The following CEP63 variants were observed in gnomAD, a reference collection of about 807,000 sequenced individuals.
CEP63 encodes the protein centrosomal protein of 63 kDa.
CEP63 carries 84 observed loss-of-function variants against 89.1 expected under a neutral mutation model. That is an observed-to-expected ratio of 0.94 (90% confidence interval 0.79 to 1.13). The LOEUF (loss-of-function observed/expected upper bound fraction) is 1.13. CEP63 is among the 50% of genes most tolerant of loss of function. The probability of loss-of-function intolerance (pLI) is 0.00; values close to 1 mark genes in which losing one functional copy is unlikely to be tolerated. For synonymous variants in CEP63, 267 were observed against 272.5 expected (o/e 0.98, Z 0.20); for missense variants, 838 against 813.3 (o/e 1.03, Z -0.37).
intron 6 of CEP63, among the ~76,000 whole-genome samples, chr3:134,542,039 A>G (rs574899881): frequency 6.6e-6 from 1 of 152,292 alleles, no homozygotes; most frequent in African/African-American, 2.4e-5. Flanking sequence ...GTTCAAGGAA[A>G]TCTTAGAGAA....
At chr3:134,620,225 G>C in the CEP63 span, among the ~76,000 whole-genome samples, 2 of 152,162 alleles carry the variant, frequency 1.3e-5, no homozygotes, top group Non-Finnish European at 2.9e-5. Context: ...CATAGGCCCA[G>C]GTCCCTCAGG....
At chr3:134,650,875 G>A in the CEP63 span, 26 of 1,612,548 alleles carry the variant, frequency 1.6e-5, no homozygotes, top group Non-Finnish European at 2.0e-5. Context: ...GTCTGAGAGC[G>A]TACCCTGTGC....
chr3:134,485,954 G>A (rs74375630), upstream of CEP63: 5,395 of 982,040 alleles, frequency 5.5e-3, 226 homozygotes, highest in African/African-American at 0.088. Context: ...ACCCTTACCG[G>A]CACCCGGCCA....
At chr3:134,753,399 C>T in the CEP63 span, among the ~76,000 whole-genome samples, 2 of 152,094 alleles carry the variant, frequency 1.3e-5, no homozygotes, top group Admixed American at 1.3e-4. Flanking sequence ...CTATATGGGC[C>T]GAAAGTGCAC....
rs1041026698 is a variant in CEP63 at position 134,486,364 on chromosome 3, C to T, written c.-26+162C>T. On this transcript the variant is annotated intron_variant, in intron 1 of 14. Transcript: ENST00000675561. The stretch of plus-strand genomic sequence containing the variant: ...CATGGCTTGCGGCCGGTTTGCGCAA[C>T]GGCCTGCGAACCACCAGGCGCGTCC... The T allele has an allele frequency of 1.9e-5, 19 of 985,514 alleles. No homozygotes were observed. The African/African-American group carries it at 2.8e-4, about 14-fold the overall frequency. The allele number at this position is 985,514 out of a possible 1,614,324, so 61.0% of individuals were successfully genotyped here.
At chr3:134,501,186 A>G (rs1462135103) in intron 2 of CEP63, among the ~76,000 whole-genome samples, 1 of 152,038 alleles carries the variant, frequency 6.6e-6, no homozygotes, top group Non-Finnish European at 1.5e-5. Context: ...GTTTTGTTCC[A>G]TTGGTCTATG....
chr3:134,508,410 C>A (rs79065227), intron 3 of CEP63, among the ~76,000 whole-genome samples: 11,619 of 152,166 alleles, frequency 0.076, 592 homozygotes, highest in Non-Finnish European at 0.11. Flanking sequence ...GAATGGTGAT[C>A]TTGTTTGATT....
the CEP63 span, among the ~76,000 whole-genome samples, chr3:134,732,907 A>G: frequency 1.3e-5 from 2 of 152,214 alleles, no homozygotes; most frequent in Non-Finnish European, 2.9e-5. Context: ...GAGACTCCTA[A>G]GTCAGAGAGA....
chr3:134,696,207 G>A, the CEP63 span, among the ~76,000 whole-genome samples: 28 of 152,342 alleles, frequency 1.8e-4, no homozygotes, highest in South Asian at 5.4e-3. Flanking sequence ...CAGACATGTC[G>A]CTGTGGGCAG....
the CEP63 span, among the ~76,000 whole-genome samples, chr3:134,767,767 T>C: frequency 0.087 from 13,277 of 152,214 alleles, 771 homozygotes; most frequent in South Asian, 0.29. Flanking sequence ...GCAAACATTT[T>C]TGAGTATCTG....
chr3:134,614,163 G>T, the CEP63 span, among the ~76,000 whole-genome samples: 3 of 152,162 alleles, frequency 2.0e-5, no homozygotes, highest in African/African-American at 7.2e-5. Flanking sequence ...CCCAAAGGTG[G>T]AGGAATTAAC....
At chr3:134,570,274 C>A (rs1248639170) in intron 11 of CEP63, among the ~76,000 whole-genome samples, 1 of 152,208 alleles carries the variant, frequency 6.6e-6, no homozygotes, top group Non-Finnish European at 1.5e-5. Flanking sequence ...ATTTGCTGTT[C>A]TATTGCATTG....
chr3:134,491,768 A>G (rs1937601411), intron 1 of CEP63, among the ~76,000 whole-genome samples: 1 of 152,234 alleles, frequency 6.6e-6, no homozygotes, highest in South Asian at 2.1e-4. Context: ...AGAGCTTTGT[A>G]ATGAAAACGA....
At chr3:134,650,494 G>C in the CEP63 span, among the ~76,000 whole-genome samples, 1 of 152,194 alleles carries the variant, frequency 6.6e-6, no homozygotes, top group Non-Finnish European at 1.5e-5. Flanking sequence ...CTGAGGCTCT[G>C]GCCGCCTTCC....
the CEP63 span, among the ~76,000 whole-genome samples, chr3:134,666,945 G>T: frequency 1.3e-5 from 2 of 152,120 alleles, no homozygotes; most frequent in Non-Finnish European, 2.9e-5. Flanking sequence ...CTGTTTTACC[G>T]GAAAGCCCAT....
the CEP63 span, among the ~76,000 whole-genome samples, chr3:134,718,396 G>A: frequency 2.0e-5 from 3 of 152,178 alleles, no homozygotes; most frequent in Non-Finnish European, 4.4e-5. Context: ...TGTTAAGTGA[G>A]CAAATAAACT....
chr3:134,592,623 G>T (rs771673276), downstream of CEP63, among the ~76,000 whole-genome samples: 2 of 151,978 alleles, frequency 1.3e-5, no homozygotes, highest in African/African-American at 2.4e-5. Flanking sequence ...TTCTTAGGTT[G>T]ATCTGTTTTC....
chr3:134,710,182 T>TGGAC, the CEP63 span, among the ~76,000 whole-genome samples: 1 of 152,206 alleles, frequency 6.6e-6, no homozygotes, highest in Non-Finnish European at 1.5e-5. Flanking sequence ...ATCCTGGGGC[T>TGGAC]GGACTCACCA....
intron 2 of CEP63, among the ~76,000 whole-genome samples, chr3:134,497,658 C>A (rs1940596981): frequency 6.6e-6 from 1 of 152,208 alleles, no homozygotes; most frequent in Admixed American, 6.5e-5. Flanking sequence ...GCATCAGCCA[C>A]TGTACCCAAT....
Sources: gnomAD v4.1 joint callset for allele counts (sites outside exome capture counted in the v4.1 genomes callset) on GRCh38, gnomAD v4.1.1 for gene constraint, MANE v1.5 for transcripts, NCBI Gene and HGNC (gene_info 2026-07-23, HGNC 2026-07-21) for gene names.